The following ANKRD26 variants were observed in gnomAD, a reference collection of about 807,000 sequenced individuals.
The protein encoded by ANKRD26 is ankyrin repeat domain-containing protein 26.
Under a neutral mutation model 208.7 loss-of-function variants are expected in ANKRD26, and 141 were observed. The observed-to-expected ratio is 0.68, with a 90% CI of 0.59 to 0.78. ANKRD26 has a LOEUF of 0.78. ANKRD26 is among the 30% of genes least tolerant of loss of function. The probability of loss-of-function intolerance (pLI) is 0.00; values close to 1 mark genes in which losing one functional copy is unlikely to be tolerated. For missense variants in ANKRD26, 1,889 were observed against 1,938.7 expected, an observed-to-expected ratio of 0.97 and a Z score of 0.48; for synonymous variants, 636 against 660.4, an observed-to-expected ratio of 0.96 and a Z score of 0.57.
intron 27 of ANKRD26, among the ~76,000 whole-genome samples, chr10:27,028,489 C>T (rs1010112667): frequency 6.2e-5 from 9 of 146,166 alleles, no homozygotes; most frequent in African/African-American, 1.5e-4. Flanking sequence ...CCCAGCTACT[C>T]GGGAGGCTGA....
At chr10:27,017,423 A>T in intron 30 of ANKRD26, 79 bp downstream of exon 30, 1 of 1,472,250 alleles carries the variant, frequency 6.8e-7, no homozygotes, top group Non-Finnish European at 9.5e-7. Flanking sequence ...TAAGGGATGT[A>T]GAGGAAACAC....
chr10:27,045,886 T>C (rs947273753), intron 18 of ANKRD26, among the ~76,000 whole-genome samples: 3 of 152,190 alleles, frequency 2.0e-5, no homozygotes, highest in African/African-American at 7.2e-5. Context: ...ACTACATTAA[T>C]AGAAGTTCTA....
chr10:27,005,075 A>T lies in ANKRD26; in HGVS notation c.*515T>A, dbSNP rs969362704. The T allele has an allele frequency of 1.0e-6, 1 of 984,912 alleles. No individual in the cohort carries two copies. The highest frequency in any genetic ancestry group is 1.7e-5 in the African/African-American group (1 of 57,226). 61.0% of individuals were successfully genotyped at this position (984,912 alleles called of 1,614,324 possible). On this transcript the variant is annotated 3_prime_UTR_variant, in exon 34 of 34. Coordinates refer to ENST00000376087, the MANE Select transcript of ANKRD26 (RefSeq NM_014915.3). ...TTTCCAAAAGGTTAATTAAAAATAA[A>T]TAAACAAACAGAAAAGGTGAATCAG...
chr10:26,978,252 A>G (rs1054861320), intron 5 of ANKRD26, among the ~76,000 whole-genome samples: 1 of 151,162 alleles, frequency 6.6e-6, no homozygotes, highest in African/African-American at 2.4e-5. Flanking sequence ...GGAGTGATCC[A>G]CCCACCTGCC....
At chr10:27,029,094 G>T in intron 26 of ANKRD26, 149 bp from the exon 27 acceptor site, 2 of 992,704 alleles carry the variant, frequency 2.0e-6, no homozygotes, top group South Asian at 1.6e-5. Context: ...TTTTCTAGTT[G>T]TGGTTTGTGG....
At position 27,005,156 on chromosome 10, in the gene ANKRD26, T is replaced by C; in HGVS notation, c.*434A>G. The C allele has an allele frequency of 2.0e-6, 2 of 986,450 alleles. No homozygotes were observed. The highest frequency in any genetic ancestry group is 2.4e-6 in the Non-Finnish European group (2 of 830,648). 61.1% of individuals were successfully genotyped at this position (986,450 alleles called of 1,614,324 possible). A position where few individuals can be genotyped will look rare whatever the true frequency, so the allele number is the denominator to read the frequency against. On this transcript the variant is annotated 3_prime_UTR_variant, in exon 34 of 34. Transcript: ENST00000376087. ...TATAAATCAGTGCTTAAAATTAAAA[T>C]TATGTAAATTTGATGGCACTGTAAC... is the stretch of plus-strand genomic sequence containing the variant.
At chr10:27,057,702 G>T (rs1367009404) in intron 15 of ANKRD26, among the ~76,000 whole-genome samples, 1 of 152,182 alleles carries the variant, frequency 6.6e-6, no homozygotes, top group Non-Finnish European at 1.5e-5. Flanking sequence ...ACTTTGGGAG[G>T]CCAAGATGGG....
chr10:27,021,530 T>C (rs2053488338), intron 29 of ANKRD26, among the ~76,000 whole-genome samples: 1 of 152,208 alleles, frequency 6.6e-6, no homozygotes, highest in South Asian at 2.1e-4. Context: ...TGCACTTCCC[T>C]GATGATTAGT....
At chr10:27,051,946 C>T in intron 16 of ANKRD26, 2 of 985,252 alleles carry the variant, frequency 2.0e-6, no homozygotes, top group South Asian at 9.4e-5. Context: ...TCTAATTTGC[C>T]TTGTTTGGTC....
In ANKRD26 at chr10:27,038,047, A is replaced by C. The variant is rs2135221592; in HGVS notation, c.2383T>G (p.Leu795Val). ...CTTCTCTTCTCTTCTTCTTGGTTTA[A>C]GCTAAATCTGCAGTTAAATATGTTT... Reference protein sequence around the residue: ...ERELCSLRFSLNQEEEKRRNA... With the variant: ...ERELCSLRFSVNQEEEKRRNA... The change falls in exon 22 of 34, where the codon TTA becomes GTA. Residue 795 changes from leucine to valine, a missense_variant. By Grantham distance (32) the Leu-to-Val change is conservative. This residue lies in a region of ANKRD26 where 1,272 missense variants were observed against 1,273.8 expected (regional missense o/e 1.00). Transcript: ENST00000376087. 6.2e-7 allele frequency: 1 copy of C among 1,608,902 alleles called. No individual in the cohort carries two copies.
intron 3 of ANKRD26, among the ~76,000 whole-genome samples, chr10:26,986,319 A>G (rs2052386383): frequency 6.6e-6 from 1 of 152,246 alleles, no homozygotes; most frequent in African/African-American, 2.4e-5. Flanking sequence ...CTAAAACCAT[A>G]AAAACCCTAG....
intron 23 of ANKRD26, 115 bp from the exon 24 acceptor site, chr10:27,035,867 A>T: frequency 1.3e-6 from 1 of 788,848 alleles, no homozygotes. Context: ...CAATAAGTGT[A>T]TATCCAATTG....
chr10:27,083,228 A>G (rs1279214101), intron 5 of ANKRD26, among the ~76,000 whole-genome samples: 2 of 152,116 alleles, frequency 1.3e-5, no homozygotes, highest in South Asian at 2.1e-4. Context: ...AAATATAAAC[A>G]TATTTACTTA....
intron 18 of ANKRD26, 113 bp downstream of exon 18, chr10:27,046,240 A>C: frequency 9.2e-7 from 1 of 1,086,814 alleles, no homozygotes; most frequent in South Asian, 1.4e-5. Flanking sequence ...ATCTTTCAGC[A>C]GCATGGAAAC....
chr10:26,949,528 C>T, the ANKRD26 span, among the ~76,000 whole-genome samples: 4 of 151,806 alleles, frequency 2.6e-5, no homozygotes, highest in South Asian at 6.3e-4. Context: ...TATTTTTGAC[C>T]AGTGTCTCAC....
chr10:26,987,986 C>T (rs1487602216), downstream of ANKRD26, among the ~76,000 whole-genome samples: 2 of 152,114 alleles, frequency 1.3e-5, no homozygotes, highest in Non-Finnish European at 2.9e-5. Context: ...TGCCGTTTCT[C>T]CACTTTTGTG....
intron 5 of ANKRD26, chr10:26,994,971 T>C (rs769610224): frequency 1.9e-4 from 83 of 444,644 alleles, no homozygotes; most frequent in Admixed American, 4.1e-4. Flanking sequence ...TTACCTCTAA[T>C]AAGGAAATCA....
At chr10:27,024,693 T>G in intron 27 of ANKRD26, 134 bp from the exon 28 acceptor site, 1 of 480,200 alleles carries the variant, frequency 2.1e-6, no homozygotes, top group Non-Finnish European at 3.7e-6. Flanking sequence ...CTAATGGCAA[T>G]AAGAACGGAT....
downstream of ANKRD26, chr10:27,003,979 A>C (rs907221788): frequency 6.6e-6 from 1 of 152,224 alleles, no homozygotes; most frequent in African/African-American, 2.4e-5. Context: ...CGTAAGGTCT[A>C]TAGATTAGAT....
Sources: gnomAD v4.1 joint callset for allele counts (sites outside exome capture counted in the v4.1 genomes callset) on GRCh38, gnomAD v4.1.1 for gene constraint, gnomAD v4.1.1 regional missense constraint, MANE v1.5 for transcripts, NCBI Gene and HGNC (gene_info 2026-07-23, HGNC 2026-07-21) for gene names.